The following TARBP1 variants were observed in gnomAD, a reference collection of about 807,000 sequenced individuals.
The protein encoded by TARBP1 is tRNA (guanosine(18)-2'-O)-methyltransferase TARBP1.
In TARBP1, 144 loss-of-function variants were observed where a neutral mutation model predicts 178.6. That is an observed-to-expected ratio of 0.81 (90% CI 0.70 to 0.93). The LOEUF is 0.93. Ranked by LOEUF, TARBP1 falls within the 40% of genes least tolerant of loss-of-function variation. The pLI, the probability that TARBP1 is intolerant of heterozygous loss-of-function variation, is 0.00. For missense variants in TARBP1, 2,067 were observed against 2,011.7 expected, an observed-to-expected ratio of 1.03 and a Z score of -0.53; for synonymous variants, 787 against 781.0, an observed-to-expected ratio of 1.01 and a Z score of -0.13.
intron 20 of TARBP1, among the ~76,000 whole-genome samples, chr1:234,423,834 C>A (rs1042894504): frequency 6.6e-6 from 1 of 151,512 alleles, no homozygotes; most frequent in Non-Finnish European, 1.5e-5. Flanking sequence ...AAGCAATCCT[C>A]CTGCCTTGGC....
At chr1:234,456,391 G>A (rs1238522304) in intron 9 of TARBP1, among the ~76,000 whole-genome samples, 2 of 152,168 alleles carry the variant, frequency 1.3e-5, no homozygotes, top group African/African-American at 4.8e-5. Flanking sequence ...AGTAGAGACG[G>A]GGTTTCGCCA....
intron 12 of TARBP1, 56 bp downstream of exon 12, chr1:234,446,747 C>T: frequency 7.0e-7 from 1 of 1,434,304 alleles, no homozygotes; most frequent in South Asian, 1.7e-5. Flanking sequence ...CTCTCTAGAA[C>T]TCTAAATACC....
At position 234,472,736 on chromosome 1, in the gene TARBP1, A is replaced by G; in HGVS notation, c.1007T>C (p.Met336Thr). The G allele has an allele frequency of 6.3e-7, 1 of 1,599,246 alleles. No homozygotes were observed. The highest frequency in any genetic ancestry group is 8.5e-7 in the Non-Finnish European group (1 of 1,175,134). ...TACCTGATTTCCTTCTAAAGTCTCCATAATTAAAATATAATTTTCCCAAAA... is the reference window on the plus strand; with the variant it reads ...TACCTGATTTCCTTCTAAAGTCTCCGTAATTAAAATATAATTTTCCCAAAA... Reference protein sequence around the residue: ...LKFWENYILIMETLEGNQIHV... With the variant: ...LKFWENYILITETLEGNQIHV... Residue 336 changes from methionine (M) to threonine (T), a missense_variant, in exon 2 of 30, where the codon ATG becomes ACG. Physicochemically the swap from Met to Thr is moderately conservative, Grantham distance 81. Transcript: ENST00000040877.
chr1:234,415,581 T>C (rs1026018150), intron 22 of TARBP1, among the ~76,000 whole-genome samples: 1 of 152,148 alleles, frequency 6.6e-6, no homozygotes, highest in Non-Finnish European at 1.5e-5. Flanking sequence ...CCCAGCCTCC[T>C]TGCCACTAAC....
In TARBP1 at chr1:234,391,555, GC is replaced by G. The variant is rs763367401; in HGVS notation, c.*21del. On this transcript the variant is annotated 3_prime_UTR_variant, in exon 30 of 30. Transcript: ENST00000040877. ...TTTTAAAAAAGTCTGAACAGCAGCA[GC>G]AGTTCACTAAGGAAGGCACATCATG... The G allele has an allele frequency of 4.4e-6, 7 of 1,576,116 alleles. No individual in the cohort carries two copies. In the Middle Eastern group the frequency reaches 7.4e-4, roughly 166 times the overall value.
At chr1:234,420,888 T>C (rs913744219) in intron 20 of TARBP1, 76 bp from the exon 21 acceptor site, 6 of 899,850 alleles carry the variant, frequency 6.7e-6, no homozygotes, top group African/African-American at 1.7e-5. Context: ...CAATGACAAC[T>C]TGAAATGTAA....
In TARBP1 at chr1:234,479,124, C is replaced by G; in HGVS notation, c.-21G>C. ...TCCATTTGCCGAGCGCCCGCGCCAC[C>G]GGCCCGGGCTCCCAAAGGAAGGCGC... On this transcript the variant is annotated 5_prime_UTR_variant, in exon 1 of 30. Coordinates refer to ENST00000040877, the MANE Select transcript of TARBP1 (RefSeq NM_005646.4). The G allele has an allele frequency of 1.3e-6, 2 of 1,513,854 alleles. No individual in the cohort carries two copies. The highest frequency in any genetic ancestry group is 1.7e-6 in the Non-Finnish European group (2 of 1,144,524). 93.8% of individuals were successfully genotyped at this position (1,513,854 alleles called of 1,614,324 possible).
intron 2 of TARBP1, among the ~76,000 whole-genome samples, chr1:234,472,430 T>C (rs75536872): frequency 0.13 from 20,015 of 151,266 alleles, 1,768 homozygotes; most frequent in African/African-American, 0.26. Flanking sequence ...AATTTATACT[T>C]TATAATAAGC....
chr1:234,413,622 C>CT (rs1662094657), intron 22 of TARBP1, among the ~76,000 whole-genome samples: 1 of 152,170 alleles, frequency 6.6e-6, no homozygotes. Context: ...TCACGCAAGC[C>CT]TTACGGGATA....
intron 24 of TARBP1, among the ~76,000 whole-genome samples, chr1:234,403,504 CT>C (rs1198263562): frequency 6.6e-6 from 1 of 152,080 alleles, no homozygotes; most frequent in Non-Finnish European, 1.5e-5. Flanking sequence ...TATTTTAAAA[CT>C]TTAAAAAATT....
chr1:234,401,374 T>C, intron 24 of TARBP1, 112 bp from the exon 25 acceptor site: 2 of 703,416 alleles, frequency 2.8e-6, no homozygotes, highest in Non-Finnish European at 4.9e-6. Context: ...GAACAGAAAA[T>C]TTTATGAACT....
intron 9 of TARBP1, among the ~76,000 whole-genome samples, chr1:234,452,524 A>G (rs1052758495): frequency 6.6e-6 from 1 of 152,244 alleles, no homozygotes; most frequent in Non-Finnish European, 1.5e-5. Context: ...AGACACCACT[A>G]TATAGCTACT....
intron 11 of TARBP1, among the ~76,000 whole-genome samples, chr1:234,447,590 C>T (rs753237238): frequency 2.0e-4 from 30 of 151,854 alleles, no homozygotes; most frequent in South Asian, 6.2e-4. Flanking sequence ...GACAGGGTCT[C>T]GCTTATTTTC....
intron 23 of TARBP1, 41 bp downstream of exon 23, chr1:234,410,404 T>C: frequency 8.2e-7 from 1 of 1,226,360 alleles, no homozygotes; most frequent in South Asian, 1.3e-5. Flanking sequence ...CATACAATTC[T>C]TTTTTTACAG....
At chr1:234,408,379 AG>A (rs1661477698) in intron 23 of TARBP1, among the ~76,000 whole-genome samples, 1 of 152,002 alleles carries the variant, frequency 6.6e-6, no homozygotes, top group South Asian at 2.1e-4. Flanking sequence ...GGAGAAACTT[AG>A]TTTAGTTTAT....
intron 1 of TARBP1, among the ~76,000 whole-genome samples, chr1:234,477,037 T>C (rs1444645249): frequency 2.6e-5 from 4 of 151,982 alleles, no homozygotes; most frequent in Non-Finnish European, 5.9e-5. Context: ...AATACAAAAT[T>C]AGTGGGGCAT....
In TARBP1 at chr1:234,479,126, G is replaced by T; in HGVS notation, c.-23C>A. 6.6e-7 allele frequency: 1 copy of T among 1,511,842 alleles called. No homozygotes were observed. The highest frequency in any genetic ancestry group is 8.7e-7 in the Non-Finnish European group (1 of 1,143,718). 93.7% of individuals were successfully genotyped at this position (1,511,842 alleles called of 1,614,324 possible). A position where few individuals can be genotyped will look rare whatever the true frequency, so the allele number is the denominator to read the frequency against. On this transcript the variant is annotated 5_prime_UTR_variant, in exon 1 of 30. Transcript: ENST00000040877. ...CATTTGCCGAGCGCCCGCGCCACCG[G>T]CCCGGGCTCCCAAAGGAAGGCGCCG...
chr1:234,393,519 T>G (rs1039107802), intron 27 of TARBP1, 33 bp from the exon 28 acceptor site: 1 of 1,571,724 alleles, frequency 6.4e-7, no homozygotes, highest in African/African-American at 1.4e-5. Context: ...TTAAGATTGT[T>G]CCCAGCACAA....
Position 234,430,239 on chromosome 1 carries a change from AC to A in TARBP1, c.2456del (p.Cys819LeufsTer4). 3 of 1,614,160 alleles carry A rather than the reference AC, an allele frequency of 1.9e-6. No homozygotes were observed. The highest frequency in any genetic ancestry group is 2.5e-6 in the Non-Finnish European group (3 of 1,180,030). Reference sequence around the variant, plus strand: ...GCTCAGGCTTCTGGTCTATGGCCTCACACACCATGGCCAAGGCAGCCATGCT... The same window carrying A: ...GCTCAGGCTTCTGGTCTATGGCCTCAACACCATGGCCAAGGCAGCCATGCT... ...VVSMAALAMV[C>X]EAIDQKPELQ... On this transcript the variant is annotated frameshift_variant, in exon 15 of 30. Transcript: ENST00000040877. LOFTEE classifies it high-confidence loss of function.
Sources: allele counts gnomAD v4.1 joint callset (sites outside exome capture counted in the v4.1 genomes callset), GRCh38; gene constraint gnomAD v4.1.1; transcripts MANE v1.5; gene names NCBI Gene and HGNC (gene_info 2026-07-23, HGNC 2026-07-21).